RORA: variants seen among roughly 807,000 people sequenced by gnomAD.
RORA encodes RAR related orphan receptor A, also known as nuclear receptor ROR-alpha.
RORA carries 7 observed loss-of-function variants against 69.5 expected under a neutral mutation model. The ratio of observed to expected loss-of-function variants is 0.10; its 90% CI spans 0.06 to 0.19. RORA has a LOEUF of 0.19. Ranked by LOEUF, RORA falls within the 10% of genes least tolerant of loss-of-function variation. The pLI, the probability that RORA is intolerant of heterozygous loss-of-function variation, is 1.00. For synonymous variants in RORA, 261 were observed against 240.8 expected (o/e 1.08, Z -0.78); for missense variants, 457 against 663.0 (o/e 0.69, Z 3.41).
chr15:60,622,332 G>A (rs564009652), intron 2 of RORA, among the ~76,000 whole-genome samples: 1 of 152,162 alleles, frequency 6.6e-6, no homozygotes, highest in Admixed American at 6.5e-5. Flanking sequence ...CAAGATGCAG[G>A]CTGGGCGTGA....
chr15:61,167,546 G>C (rs1049826015), intron 1 of RORA, among the ~76,000 whole-genome samples: 1 of 137,004 alleles, frequency 7.3e-6, no homozygotes, highest in African/African-American at 2.8e-5. Flanking sequence ...TCTACAACCA[G>C]GACTCTGGCT....
intron 2 of RORA, among the ~76,000 whole-genome samples, chr15:60,584,820 A>T (rs909046225): frequency 5.3e-5 from 8 of 152,236 alleles, no homozygotes; most frequent in Admixed American, 4.6e-4. Flanking sequence ...AAAAAATCAC[A>T]CTTCTGGGTG....
intron 1 of RORA, among the ~76,000 whole-genome samples, chr15:60,754,006 C>A (rs1016021978): frequency 6.6e-6 from 1 of 152,196 alleles, no homozygotes; most frequent in African/African-American, 2.4e-5. Context: ...AACACTGGTC[C>A]GTGGCTACTC....
At chr15:60,676,021 T>A (rs1454187739) in intron 2 of RORA, among the ~76,000 whole-genome samples, 1 of 152,142 alleles carries the variant, frequency 6.6e-6, no homozygotes, top group African/African-American at 2.4e-5. Flanking sequence ...TTTGAGACGG[T>A]ACAAAAATGA....
chr15:61,165,018 T>C (rs970339515), intron 1 of RORA, among the ~76,000 whole-genome samples: 1 of 152,160 alleles, frequency 6.6e-6, no homozygotes, highest in African/African-American at 2.4e-5. Flanking sequence ...TGTGGCTCCA[T>C]CACACCCTCC....
chr15:60,952,130 T>C (rs1275065661), intron 1 of RORA, among the ~76,000 whole-genome samples: 1 of 151,066 alleles, frequency 6.6e-6, no homozygotes, highest in African/African-American at 2.4e-5. Flanking sequence ...GCAAGGTTGG[T>C]TCAATATACG....
intron 3 of RORA, among the ~76,000 whole-genome samples, chr15:60,525,520 T>C (rs1404537320): frequency 6.6e-6 from 1 of 152,254 alleles, no homozygotes; most frequent in Non-Finnish European, 1.5e-5. Flanking sequence ...TAGCTGCTCA[T>C]TGGCTGTTTA....
intron 1 of RORA, among the ~76,000 whole-genome samples, chr15:61,000,146 A>C (rs1456305734): frequency 6.6e-6 from 1 of 152,216 alleles, no homozygotes; most frequent in East Asian, 1.9e-4. Context: ...TTTAGGTTTT[A>C]AAAAATTATT....
chr15:61,208,162 A>C (rs910273554), intron 1 of RORA, among the ~76,000 whole-genome samples: 5 of 152,268 alleles, frequency 3.3e-5, no homozygotes, highest in African/African-American at 1.2e-4. Context: ...GGAGTCTATC[A>C]GTTGATGAAT....
chr15:60,679,818 C>G (rs146717566), intron 1 of RORA, among the ~76,000 whole-genome samples: 4 of 152,266 alleles, frequency 2.6e-5, no homozygotes, highest in East Asian at 1.9e-4. Context: ...CTTGCTCCCC[C>G]CAACACTTTC....
chr15:60,561,837 A>G (rs73422003), intron 2 of RORA, among the ~76,000 whole-genome samples: 2,136 of 152,184 alleles, frequency 0.014, 60 homozygotes, highest in African/African-American at 0.048. Context: ...GTGGGGGACT[A>G]TTTAAAGCCA....
chr15:60,843,149 A>G (rs1479746511), intron 1 of RORA, among the ~76,000 whole-genome samples: 2 of 152,174 alleles, frequency 1.3e-5, no homozygotes, highest in Non-Finnish European at 2.9e-5. Context: ...GAAATGGAAG[A>G]AGGAACAACC....
chr15:60,665,335 T>C (rs1325276773), intron 2 of RORA, among the ~76,000 whole-genome samples: 1 of 152,236 alleles, frequency 6.6e-6, no homozygotes, highest in Non-Finnish European at 1.5e-5. Flanking sequence ...TAGATGCCAA[T>C]GGTAACTGAA....
At chr15:60,792,507 CCA>C in intron 1 of RORA, among the ~76,000 whole-genome samples, 1 of 152,232 alleles carries the variant, frequency 6.6e-6, no homozygotes, top group South Asian at 2.1e-4. Context: ...TCTAGACAAA[CCA>C]CAGTCAATTT....
intron 1 of RORA, among the ~76,000 whole-genome samples, chr15:61,011,381 C>A (rs898934566): frequency 6.6e-6 from 1 of 152,094 alleles, no homozygotes; most frequent in African/African-American, 2.4e-5. Context: ...ATAATGATAT[C>A]CTAAAACTAA....
chr15:60,844,323 A>G lies in RORA; in HGVS notation c.167-165637T>C, dbSNP rs540191926. Among the ~76,000 whole-genome samples, 4 of 152,330 alleles carry G rather than the reference A, an allele frequency of 2.6e-5. No homozygotes were observed. In the East Asian group the frequency reaches 7.7e-4, roughly 29 times the overall value. On this transcript the variant is annotated intron_variant, in intron 1 of 10. Transcript: ENST00000335670. The stretch of plus-strand genomic sequence containing the variant: ...GGGACACAGAGGGAACAAAAGAATT[A>G]CTACTTTAAACTACACAGAAATGCA...
At chr15:60,561,254 T>C (rs2067550823) in intron 2 of RORA, among the ~76,000 whole-genome samples, 1 of 151,754 alleles carries the variant, frequency 6.6e-6, no homozygotes, top group Admixed American at 6.6e-5. Context: ...GCTAATTTTT[T>C]GTATTTTTAG....
At chr15:60,936,812 G>C (rs1054089136) in intron 1 of RORA, among the ~76,000 whole-genome samples, 7 of 152,286 alleles carry the variant, frequency 4.6e-5, no homozygotes, top group African/African-American at 1.7e-4. Flanking sequence ...ATTTTGTTAG[G>C]GGCAGAGGAG....
intron 1 of RORA, among the ~76,000 whole-genome samples, chr15:61,136,610 G>A (rs561605695): frequency 1.7e-4 from 26 of 152,250 alleles, no homozygotes; most frequent in South Asian, 4.1e-4. Flanking sequence ...TTTATTTCTC[G>A]TAAAGAAACA....
Sources: gnomAD v4.1 joint callset for allele counts (sites outside exome capture counted in the v4.1 genomes callset) on GRCh38, gnomAD v4.1.1 for gene constraint, MANE v1.5 for transcripts, NCBI Gene and HGNC (gene_info 2026-07-23, HGNC 2026-07-21) for gene names.